Variants in SH3YL1 observed in about 807,000 individuals in gnomAD.
SH3YL1 encodes the protein SH3 and SYLF domain containing 1.
In SH3YL1, 41 loss-of-function variants were observed where a neutral mutation model predicts 45.8. The observed-to-expected ratio is 0.89, with a 90% confidence interval of 0.70 to 1.16. The LOEUF (loss-of-function observed/expected upper bound fraction) is 1.16, where lower values mean the gene tolerates loss of function less well. SH3YL1 is among the 50% of genes most tolerant of loss of function. The probability of loss-of-function intolerance (pLI) is 0.00; values close to 1 mark genes in which losing one functional copy is unlikely to be tolerated. For synonymous variants in SH3YL1, 152 were observed against 151.4 expected, an observed-to-expected ratio of 1.00 and a Z score of -0.03; for missense variants, 389 against 409.6, an observed-to-expected ratio of 0.95 and a Z score of 0.43.
intron 1 of SH3YL1, among the ~76,000 whole-genome samples, chr2:258,646 G>A (rs1384929789): frequency 2.0e-5 from 3 of 152,166 alleles, no homozygotes; most frequent in Non-Finnish European, 4.4e-5. Flanking sequence ...GCTTGTTGTT[G>A]TGTTCTGTTT....
rs1442358264 is a variant in SH3YL1 at position 233,156 on chromosome 2, CAA to C, written c.476_477del (p.Phe159CysfsTer12). On this transcript the variant is annotated frameshift_variant, in exon 6 of 10. Coordinates refer to ENST00000356150, the MANE Select transcript of SH3YL1 (RefSeq NM_015677.4). LOFTEE classifies it high-confidence loss of function. ...VFTYCKSRGL[F>X]AGVSLEGSCL... ...CAGCTCCCTTCTAAAGACACGCCTG[CAA>C]AGAGTCCCCTTGACTTGCAGTACGT... is the stretch of plus-strand genomic sequence containing the variant. The C allele has an allele frequency of 6.3e-7, 1 of 1,599,966 alleles. No homozygotes were observed. The highest frequency in any genetic ancestry group is 8.5e-7 in the Non-Finnish European group (1 of 1,171,876).
chr2:227,560 C>T (rs1420272535), intron 8 of SH3YL1, among the ~76,000 whole-genome samples: 1 of 151,824 alleles, frequency 6.6e-6, no homozygotes, highest in Non-Finnish European at 1.5e-5. Context: ...AACAAACCAA[C>T]AAATAACAAA....
intron 5 of SH3YL1, 66 bp downstream of exon 5, chr2:234,094 A>G (rs1668176525): frequency 8.6e-7 from 1 of 1,168,228 alleles, no homozygotes; most frequent in Non-Finnish European, 1.2e-6. Flanking sequence ...CAAGTTTCCT[A>G]TTAATGCAAA....
At chr2:254,526 C>T (rs1669223280) in intron 1 of SH3YL1, among the ~76,000 whole-genome samples, 1 of 152,180 alleles carries the variant, frequency 6.6e-6, no homozygotes, top group South Asian at 2.1e-4. Flanking sequence ...TGAAGGCATT[C>T]ATTTCCACTG....
chr2:231,199 G>T lies in SH3YL1; in HGVS notation c.534-8C>A, dbSNP rs1259847606. On this transcript the variant is annotated splice_region_variant and splice_polypyrimidine_tract_variant and intron_variant, in intron 6 of 9. Transcript: ENST00000356150. ...ATATCTTGACAATAAAATCTAATGG[G>T]AAATATAAAATTAAAAACATTTTAA... 6.3e-7 allele frequency: 1 copy of T among 1,582,004 alleles called. No homozygotes were observed. The highest frequency in any genetic ancestry group is 1.1e-5 in the South Asian group (1 of 87,256).
chr2:251,049 CT>C (rs1331247850), intron 2 of SH3YL1, among the ~76,000 whole-genome samples: 23 of 152,258 alleles, frequency 1.5e-4, no homozygotes, highest in Admixed American at 1.1e-3. Context: ...GCTATTGCCC[CT>C]ATTGGGAATA....
At chr2:253,421 C>T (rs776555714) in intron 1 of SH3YL1, among the ~76,000 whole-genome samples, 6 of 152,096 alleles carry the variant, frequency 3.9e-5, no homozygotes, top group South Asian at 4.1e-4. Context: ...AGGCAATGAA[C>T]GTGACCTCTG....
chr2:238,677 C>T (rs1437844940), intron 4 of SH3YL1, among the ~76,000 whole-genome samples: 2 of 152,148 alleles, frequency 1.3e-5, no homozygotes, highest in East Asian at 3.8e-4. Context: ...GAGCTTTGGG[C>T]TTTGCTACAA....
intron 1 of SH3YL1, among the ~76,000 whole-genome samples, chr2:254,018 T>C (rs1669197370): frequency 6.6e-6 from 1 of 152,182 alleles, no homozygotes. Flanking sequence ...CAAACCTCCC[T>C]GTTATGTATC....
At position 218,953 on chromosome 2, in the gene SH3YL1, C is replaced by A; in HGVS notation, c.887G>T (p.Gly296Val). Residue 296 changes from glycine (G) to valine (V), a missense_variant, in exon 10 of 10, where the codon GGA (glycine) becomes GTA (valine). Transcript: ENST00000356150. ...IEVTALYSFE[G>V]QQPGDLNFQA... ...AAAATTCAAATCCCCAGGCTGCTGTCCTTCAAATGAATACAGCGCTGTCAC... is the reference window on the plus strand; with the variant it reads ...AAAATTCAAATCCCCAGGCTGCTGTACTTCAAATGAATACAGCGCTGTCAC... 1 of 1,613,938 alleles carries A rather than the reference C, an allele frequency of 6.2e-7. No homozygotes were observed. The highest frequency in any genetic ancestry group is 1.1e-5 in the South Asian group (1 of 91,056).
At position 231,184 on chromosome 2, in the gene SH3YL1, A is replaced by G. The variant is rs753309340; in HGVS notation, c.541T>C (p.Cys181Arg). Residue 181 changes from cysteine to arginine, a missense_variant, in exon 7 of 10, where the codon TGT (cysteine) becomes CGT (arginine). By Grantham distance (180) the Cys-to-Arg change is radical. Coordinates refer to ENST00000356150, the MANE Select transcript of SH3YL1 (RefSeq NM_015677.4). ...ERKETNRKFYCQDIRAYDILF... is the reference protein window; with the variant it reads ...ERKETNRKFYRQDIRAYDILF... ...ATGTCATAAGCTCGGATATCTTGAC[A>G]ATAAAATCTAATGGGAAATATAAAA... 22 of 1,604,308 alleles carry G rather than the reference A, an allele frequency of 1.4e-5. No homozygotes were observed. Among genetic ancestry groups the G allele is most frequent in the African/African-American group, 4.0e-5 (3 of 74,314 alleles).
intron 2 of SH3YL1, among the ~76,000 whole-genome samples, chr2:251,909 T>C (rs1349312982): frequency 1.3e-5 from 2 of 152,202 alleles, no homozygotes; most frequent in African/African-American, 4.8e-5. Context: ...CTTTATCTCT[T>C]TAATGCAGGA....
At chr2:243,425 AAC>A in intron 4 of SH3YL1, 1 of 1,390,972 alleles carries the variant, frequency 7.2e-7, no homozygotes, top group Non-Finnish European at 9.6e-7. Context: ...ACTCTTAAAT[AAC>A]AAATGGCTCA....
chr2:224,382 A>G (rs1384845776), intron 9 of SH3YL1, among the ~76,000 whole-genome samples: 1 of 152,264 alleles, frequency 6.6e-6, no homozygotes, highest in Non-Finnish European at 1.5e-5. Flanking sequence ...TTATGGTGCT[A>G]AAACACAGAG....
chr2:258,603 G>C (rs192297809), intron 1 of SH3YL1, among the ~76,000 whole-genome samples: 2 of 152,302 alleles, frequency 1.3e-5, no homozygotes, highest in African/African-American at 2.4e-5. Flanking sequence ...AGCAGGCAGT[G>C]AGTTACTTGT....
intron 9 of SH3YL1, among the ~76,000 whole-genome samples, chr2:221,176 C>T (rs184374960): frequency 6.6e-5 from 10 of 152,270 alleles, no homozygotes; most frequent in Admixed American, 2.0e-4. Flanking sequence ...CCAGGTCATC[C>T]AAGACCCTCA....
chr2:234,020 T>C (rs1668171938), intron 5 of SH3YL1, 140 bp downstream of exon 5: 1 of 623,628 alleles, frequency 1.6e-6, no homozygotes, highest in African/African-American at 1.9e-5. Context: ...TTCCTATTTG[T>C]GATGACCTCA....
chr2:231,817 T>C (rs933865310), intron 6 of SH3YL1, among the ~76,000 whole-genome samples: 2 of 152,238 alleles, frequency 1.3e-5, no homozygotes, highest in Non-Finnish European at 2.9e-5. Flanking sequence ...AGTTAACACA[T>C]CACTTTTGAT....
chr2:220,576 G>A (rs1007374187), intron 9 of SH3YL1, among the ~76,000 whole-genome samples: 1 of 152,214 alleles, frequency 6.6e-6, no homozygotes, highest in Non-Finnish European at 1.5e-5. Flanking sequence ...AATTCTACAC[G>A]TTAATGAGCA....
Sources: gnomAD v4.1 joint callset for allele counts (sites outside exome capture counted in the v4.1 genomes callset) on GRCh38, gnomAD v4.1.1 for gene constraint, MANE v1.5 for transcripts, NCBI Gene and HGNC (gene_info 2026-07-23, HGNC 2026-07-21) for gene names.